Variants in ATP8A2 observed in about 807,000 individuals in gnomAD.
The protein encoded by ATP8A2 is ATPase phospholipid transporting 8A2.
In ATP8A2, 100 loss-of-function variants were observed where a neutral mutation model predicts 165.6. The ratio of observed to expected loss-of-function variants is 0.60; its 90% confidence interval spans 0.51 to 0.71. The LOEUF is 0.71. ATP8A2 is among the 30% of genes least tolerant of loss of function. ATP8A2 has a pLI of 0.00. For missense variants in ATP8A2, 1,227 were observed against 1,479.5 expected (o/e 0.83, Z 2.80); for synonymous variants, 543 against 548.8 (o/e 0.99, Z 0.15).
chr13:25,413,907 T>A (rs1188334384), intron 1 of ATP8A2, among the ~76,000 whole-genome samples: 1 of 152,186 alleles, frequency 6.6e-6, no homozygotes, highest in Non-Finnish European at 1.5e-5. Flanking sequence ...GTTTATCATT[T>A]TTCCATGGAT....
intron 13 of ATP8A2, among the ~76,000 whole-genome samples, chr13:25,555,610 GTTTAA>G (rs551934637): frequency 6.6e-6 from 1 of 151,158 alleles, no homozygotes; most frequent in Non-Finnish European, 1.5e-5. Context: ...CTTTTTAAAT[GTTTAA>G]TTTAATTTAA....
intron 33 of ATP8A2, among the ~76,000 whole-genome samples, chr13:25,952,752 G>C (rs998152029): frequency 1.3e-5 from 2 of 152,152 alleles, no homozygotes; most frequent in African/African-American, 4.8e-5. Flanking sequence ...AGCAGATGAT[G>C]GGTGAGCTCA....
chr13:26,012,682 TGAG>T (rs1298869409), intron 36 of ATP8A2, 60 bp downstream of exon 36: 7 of 808,400 alleles, frequency 8.7e-6, no homozygotes, highest in Non-Finnish European at 1.1e-5. Flanking sequence ...CGGGGGTTGA[TGAG>T]GAGTTGGGGG....
intron 27 of ATP8A2, among the ~76,000 whole-genome samples, chr13:25,821,368 C>A (rs947603845): frequency 6.6e-6 from 1 of 152,242 alleles, no homozygotes; most frequent in Non-Finnish European, 1.5e-5. Flanking sequence ...CAACAGCTTG[C>A]GTGTCTTGAT....
At chr13:25,832,218 G>C (rs1331031627) in intron 28 of ATP8A2, among the ~76,000 whole-genome samples, 1 of 152,132 alleles carries the variant, frequency 6.6e-6, no homozygotes, top group Non-Finnish European at 1.5e-5. Flanking sequence ...AATTACAGGC[G>C]TGAGCCACTG....
chr13:25,687,554 C>T (rs558808856), intron 24 of ATP8A2, among the ~76,000 whole-genome samples: 14 of 152,260 alleles, frequency 9.2e-5, no homozygotes, highest in East Asian at 1.9e-4. Flanking sequence ...AGCTCTTAAA[C>T]GAAAGAGCCA....
chr13:25,744,217 T>C (rs1476775946), intron 25 of ATP8A2, among the ~76,000 whole-genome samples: 3 of 152,244 alleles, frequency 2.0e-5, no homozygotes, highest in African/African-American at 7.2e-5. Flanking sequence ...TGGATTTTAC[T>C]TACTTAATCC....
intron 1 of ATP8A2, among the ~76,000 whole-genome samples, chr13:25,393,712 A>T (rs1466344780): frequency 6.6e-6 from 1 of 152,166 alleles, no homozygotes; most frequent in Non-Finnish European, 1.5e-5. Context: ...CACTGTGCCC[A>T]GCCCCTATTT....
chr13:25,548,172 T>A (rs1280967649), intron 10 of ATP8A2, among the ~76,000 whole-genome samples: 6 of 152,102 alleles, frequency 3.9e-5, no homozygotes, highest in Admixed American at 3.9e-4. Flanking sequence ...GTTGCAGTGA[T>A]CCATGATCAC....
intron 1 of ATP8A2, among the ~76,000 whole-genome samples, chr13:25,380,348 A>G (rs1305962472): frequency 6.6e-6 from 1 of 152,174 alleles, no homozygotes; most frequent in African/African-American, 2.4e-5. Context: ...GAGTCAGATT[A>G]TTGAAGTTGA....
chr13:25,915,216 A>T (rs1345182260), intron 33 of ATP8A2, among the ~76,000 whole-genome samples: 1 of 152,212 alleles, frequency 6.6e-6, no homozygotes, highest in African/African-American at 2.4e-5. Context: ...TATGTACTTA[A>T]ACCCACGCTA....
chr13:25,649,816 C>T (rs2041767987), intron 24 of ATP8A2, among the ~76,000 whole-genome samples: 1 of 152,158 alleles, frequency 6.6e-6, no homozygotes, highest in Admixed American at 6.5e-5. Flanking sequence ...GCACTTTCCA[C>T]CTCTTCCAGG....
chr13:25,839,720 G>A (rs1047267682), intron 30 of ATP8A2, 96 bp downstream of exon 30: 10 of 943,988 alleles, frequency 1.1e-5, no homozygotes, highest in Middle Eastern at 2.2e-4. Flanking sequence ...TGCAGAACAA[G>A]AGATCACAGG....
chr13:25,534,032 G>A (rs2038200599), intron 6 of ATP8A2: 2 of 433,376 alleles, frequency 4.6e-6, no homozygotes, highest in Non-Finnish European at 4.6e-6. Context: ...TTTTTAGAAG[G>A]GTAACTTGAA....
chr13:25,749,397 G>A (rs2044107263), intron 25 of ATP8A2, among the ~76,000 whole-genome samples: 1 of 152,182 alleles, frequency 6.6e-6, no homozygotes, highest in Admixed American at 6.5e-5. Context: ...CACTGGAGGT[G>A]GTCTTCAGGA....
chr13:25,839,216 G>A (rs58343086), intron 29 of ATP8A2, among the ~76,000 whole-genome samples: 1,604 of 152,070 alleles, frequency 0.011, 32 homozygotes, highest in African/African-American at 0.034. Flanking sequence ...TTTGTAAAAT[G>A]GTGTTGTCTC....
At chr13:25,751,520 T>G (rs2044153203) in intron 25 of ATP8A2, among the ~76,000 whole-genome samples, 2 of 152,158 alleles carry the variant, frequency 1.3e-5, no homozygotes, top group Non-Finnish European at 2.9e-5. Context: ...CACTACAGCC[T>G]CCAACTCCTG....
chr13:25,482,832 G>T (rs1403584564), intron 2 of ATP8A2, among the ~76,000 whole-genome samples: 2 of 152,186 alleles, frequency 1.3e-5, no homozygotes, highest in African/African-American at 2.4e-5. Flanking sequence ...GACGGGACTT[G>T]CTCCTCCTTG....
At chr13:25,787,614 C>A (rs1450472103) in intron 27 of ATP8A2, among the ~76,000 whole-genome samples, 1 of 152,234 alleles carries the variant, frequency 6.6e-6, no homozygotes, top group Non-Finnish European at 1.5e-5. Flanking sequence ...AGCGTTGCTG[C>A]ATGGACTTAT....
Sources: allele counts gnomAD v4.1 joint callset (sites outside exome capture counted in the v4.1 genomes callset), GRCh38; gene constraint gnomAD v4.1.1; transcripts MANE v1.5; gene names NCBI Gene and HGNC (gene_info 2026-07-23, HGNC 2026-07-21).